The following ZFAT variants were observed in gnomAD, a reference collection of about 807,000 sequenced individuals.
The protein encoded by ZFAT is zinc finger and AT-hook domain containing, also known as zinc finger protein ZFAT.
ZFAT carries 64 observed loss-of-function variants against 117.7 expected under a neutral mutation model. The ratio of observed to expected loss-of-function variants is 0.54; its 90% CI spans 0.44 to 0.67. ZFAT has a LOEUF of 0.67. Among genes scored for constraint, ZFAT ranks in the 30% least tolerant of loss-of-function variants. ZFAT has a pLI of 0.00. For missense variants in ZFAT, 1,433 were observed against 1,584.5 expected, an observed-to-expected ratio of 0.90 and a Z score of 1.62; for synonymous variants, 679 against 615.0, an observed-to-expected ratio of 1.10 and a Z score of -1.54.
chr8:134,671,216 C>A (rs1832546628), intron 1 of ZFAT, among the ~76,000 whole-genome samples: 1 of 152,138 alleles, frequency 6.6e-6, no homozygotes, highest in African/African-American at 2.4e-5. Flanking sequence ...CTGTTCCAAT[C>A]AATAGAAAAA....
intron 2 of ZFAT, among the ~76,000 whole-genome samples, chr8:134,643,441 C>T (rs776215721): frequency 3.9e-5 from 6 of 152,188 alleles, no homozygotes; most frequent in Non-Finnish European, 7.3e-5. Flanking sequence ...GGAAAGTACA[C>T]GGATGTAAGG....
chr8:134,797,777 A>G, the ZFAT span: 6 of 151,976 alleles, frequency 3.9e-5, no homozygotes, highest in African/African-American at 1.4e-4. Flanking sequence ...AAAATTCTAA[A>G]TGTGAAATTG....
intron 11 of ZFAT, among the ~76,000 whole-genome samples, chr8:134,552,192 T>C (rs368928815): frequency 6.2e-5 from 9 of 145,892 alleles, no homozygotes; most frequent in Non-Finnish European, 1.2e-4. Context: ...CCTGCCTTCA[T>C]CCTGAAATCC....
chr8:134,774,944 C>G, the ZFAT span, among the ~76,000 whole-genome samples: 1 of 152,038 alleles, frequency 6.6e-6, no homozygotes, highest in African/African-American at 2.4e-5. Context: ...TGGTGAAACC[C>G]CATCTCTACT....
chr8:134,610,127 G>C (rs2130967355), intron 4 of ZFAT, among the ~76,000 whole-genome samples: 2 of 152,344 alleles, frequency 1.3e-5, no homozygotes, highest in South Asian at 4.1e-4. Flanking sequence ...GCATGGCTGA[G>C]AGCAGGAGGG....
intron 3 of ZFAT, among the ~76,000 whole-genome samples, chr8:134,620,395 T>A (rs1002686408): frequency 6.6e-6 from 1 of 152,162 alleles, no homozygotes; most frequent in Non-Finnish European, 1.5e-5. Context: ...CGCTGCACAG[T>A]CAACTGCACA....
chr8:134,804,395 G>A, the ZFAT span, among the ~76,000 whole-genome samples: 1 of 152,152 alleles, frequency 6.6e-6, no homozygotes, highest in Admixed American at 6.5e-5. Flanking sequence ...AACAGGAAGT[G>A]GGGGGCTAAG....
At position 134,608,773 on chromosome 8, in the gene ZFAT, G is replaced by A. The variant is rs767588874; in HGVS notation, c.741C>T (p.Tyr247=). The A allele has an allele frequency of 4.0e-5, 65 of 1,610,084 alleles. No homozygotes were observed. The East Asian group carries it at 6.5e-4, about 16-fold the overall frequency. ...DLVPRRGYQE[Y]AIQQTPYEQP... ...GCTCATAAGGTGTCTGCTGAATGGC[G>A]TATTCCTGGTAGCCTCTCCGAGGCA... The change falls in exon 5 of 16, where the codon TAC becomes TAT. Residue 247 remains tyrosine (Y), a synonymous_variant. Transcript: ENST00000377838.
chr8:134,649,416 G>A (rs553419515), intron 2 of ZFAT, among the ~76,000 whole-genome samples: 1 of 152,074 alleles, frequency 6.6e-6, no homozygotes, highest in South Asian at 2.1e-4. Flanking sequence ...AGACTCCTGA[G>A]GAATACACTA....
chr8:134,527,348 G>A (rs1314307224), intron 12 of ZFAT, among the ~76,000 whole-genome samples: 2 of 152,230 alleles, frequency 1.3e-5, no homozygotes, highest in African/African-American at 4.8e-5. Flanking sequence ...CACGAAGTGT[G>A]TGGTGACTTG....
intron 2 of ZFAT, among the ~76,000 whole-genome samples, chr8:134,639,314 G>A (rs1343640898): frequency 6.6e-6 from 1 of 152,214 alleles, no homozygotes; most frequent in Non-Finnish European, 1.5e-5. Flanking sequence ...TGGGAAAGGA[G>A]GGCCCTTGCT....
the ZFAT span, among the ~76,000 whole-genome samples, chr8:134,802,574 G>T: frequency 1.8e-4 from 27 of 152,228 alleles, no homozygotes; most frequent in South Asian, 5.4e-3. Flanking sequence ...AAATAAATTG[G>T]AAGACCCAAT....
rs991733296 is a variant in ZFAT, at chr8:134,522,027, G to A, written c.3116-1026C>T. ...GTCTCTCCTCTATGCCAGTGCTTCC[G>A]CAGCATCCTGGAATCTCAGACCTTC... On this transcript the variant is annotated intron_variant, in intron 12 of 15. Coordinates refer to ENST00000377838, the MANE Select transcript of ZFAT (RefSeq NM_020863.4). 5.3e-5 allele frequency among the ~76,000 whole-genome samples: 8 copies of A among 152,298 alleles called. No individual in the cohort carries two copies. The South Asian group carries it at 8.3e-4, about 16-fold the overall frequency.
chr8:134,496,218 A>G (rs775461077), intron 15 of ZFAT, among the ~76,000 whole-genome samples: 3 of 152,254 alleles, frequency 2.0e-5, no homozygotes, highest in Non-Finnish European at 2.9e-5. Flanking sequence ...AAGTTCCATG[A>G]TCTTCCCATT....
intron 15 of ZFAT, among the ~76,000 whole-genome samples, chr8:134,498,285 C>A (rs1452811260): frequency 6.9e-6 from 1 of 145,630 alleles, no homozygotes; most frequent in Non-Finnish European, 1.5e-5. Context: ...GATGCCCCTG[C>A]TGCTGGTTAC....
the ZFAT span, among the ~76,000 whole-genome samples, chr8:134,726,312 G>T: frequency 2.0e-5 from 3 of 152,184 alleles, no homozygotes; most frequent in African/African-American, 7.2e-5. Flanking sequence ...CCAGGGCTTT[G>T]CATCTCTCCT....
At chr8:134,713,213 C>T (rs1478059034), upstream of ZFAT, among the ~76,000 whole-genome samples, 1 of 152,112 alleles carries the variant, frequency 6.6e-6, no homozygotes, top group Non-Finnish European at 1.5e-5. Flanking sequence ...TTGAGCCACG[C>T]CCAGGGAGGG....
intron 15 of ZFAT, among the ~76,000 whole-genome samples, chr8:134,484,874 C>T (rs145524637): frequency 0.023 from 3,551 of 152,308 alleles, 143 homozygotes; most frequent in African/African-American, 0.079. Context: ...CAGCTCACTG[C>T]AGCCTCAAAC....
At position 134,605,006 on chromosome 8, in the gene ZFAT, A is replaced by G. The variant is rs147879021; in HGVS notation, c.786-2073T>C. Among the ~76,000 whole-genome samples, 617 of 152,352 alleles carry G rather than the reference A, an allele frequency of 4.0e-3. 19 individuals are homozygous for G. Among genetic ancestry groups the G allele is most frequent in the Admixed American group, 0.034 (517 of 15,306 alleles). ...TCTACTGCAAGATCTAAATGGTCTT[A>G]GGAGAATCTTTTGCTCTGACTTTTT... is the stretch of plus-strand genomic sequence containing the variant. On this transcript the variant is annotated intron_variant, in intron 5 of 15. Transcript: ENST00000377838.
Sources: gnomAD v4.1 joint callset for allele counts (sites outside exome capture counted in the v4.1 genomes callset) on GRCh38, gnomAD v4.1.1 for gene constraint, MANE v1.5 for transcripts, NCBI Gene and HGNC (gene_info 2026-07-23, HGNC 2026-07-21) for gene names.